Variants in BBS7 observed in about 807,000 individuals in gnomAD.
BBS7 encodes the protein BBSome complex member BBS7.
BBS7 carries 50 observed loss-of-function variants against 90.3 expected under a neutral mutation model. The observed-to-expected ratio is 0.55, with a 90% CI of 0.44 to 0.70. The LOEUF is 0.70. Ranked by LOEUF, BBS7 falls within the 30% of genes least tolerant of loss-of-function variation. The pLI is 0.00. For synonymous variants in BBS7, 235 were observed against 287.4 expected (o/e 0.82, Z 1.85); for missense variants, 729 against 838.9 (o/e 0.87, Z 1.62).
intron 12 of BBS7, among the ~76,000 whole-genome samples, chr4:121,841,954 G>T (rs1267143387): frequency 2.0e-5 from 3 of 151,882 alleles, no homozygotes; most frequent in Non-Finnish European, 2.9e-5. Context: ...TTACTATGAA[G>T]TTATATTGAA....
chr4:121,847,271 A>G, intron 10 of BBS7, 133 bp downstream of exon 10: 1 of 647,432 alleles, frequency 1.5e-6, no homozygotes, highest in Non-Finnish European at 2.7e-6. Context: ...GTAAACTTCC[A>G]TTTTAAAAGG....
intron 10 of BBS7, among the ~76,000 whole-genome samples, chr4:121,846,718 T>C (rs1726029749): frequency 6.6e-6 from 1 of 152,218 alleles, no homozygotes; most frequent in Admixed American, 6.5e-5. Flanking sequence ...TGAAACGGCT[T>C]GTGCTACTAG....
chr4:121,847,620 A>G, intron 9 of BBS7, 114 bp from the exon 10 acceptor site: 1 of 773,876 alleles, frequency 1.3e-6, no homozygotes, highest in South Asian at 1.4e-5. Flanking sequence ...CACCAATATC[A>G]GCCTAACTTA....
rs1345111269 is a variant in BBS7, at chr4:121,835,251, T to C, written c.1404A>G (p.Leu468=). ...GAATTCTTGGAGTCACATATGCTTGTAGTGTGCCATACTGGCCTTCAATTG... is the reference window on the plus strand; with the variant it reads ...GAATTCTTGGAGTCACATATGCTTGCAGTGTGCCATACTGGCCTTCAATTG... ...IRSIEGQYGT[L]QAYVTPRIQP... The change falls in exon 14 of 19, where the codon CTA becomes CTG. Residue 468 remains leucine, a synonymous_variant. Coordinates refer to ENST00000264499, the MANE Select transcript of BBS7 (RefSeq NM_176824.3). 1.9e-6 allele frequency: 3 copies of C among 1,613,852 alleles called. No individual in the cohort carries two copies. The highest frequency in any genetic ancestry group is 1.3e-5 in the African/African-American group (1 of 75,018).
At chr4:121,831,446 C>T (rs1321275227) in intron 15 of BBS7, among the ~76,000 whole-genome samples, 1 of 150,354 alleles carries the variant, frequency 6.7e-6, no homozygotes, top group Non-Finnish European at 1.5e-5. Context: ...GCTTGGGCAA[C>T]ACAGTGAGAC....
chr4:121,833,704 ATTTT>A (rs1320317594), intron 14 of BBS7, among the ~76,000 whole-genome samples: 2 of 151,878 alleles, frequency 1.3e-5, no homozygotes, highest in African/African-American at 2.4e-5. Context: ...TAAAAAGTTT[ATTTT>A]TTTATTTTTT....
intron 13 of BBS7, among the ~76,000 whole-genome samples, chr4:121,836,678 T>C (rs1295535578): frequency 1.3e-5 from 2 of 152,214 alleles, no homozygotes; most frequent in Admixed American, 6.5e-5. Flanking sequence ...ATGTCTGTTA[T>C]GTATATTACT....
intron 5 of BBS7, among the ~76,000 whole-genome samples, chr4:121,857,121 C>CTT (rs113652840): frequency 0.029 from 4,141 of 143,508 alleles, 172 homozygotes; most frequent in East Asian, 0.2. Flanking sequence ...TATGCTTTAT[C>CTT]TTTTTTTTTT....
intron 1 of BBS7, 25 bp from the exon 2 acceptor site, chr4:121,868,071 G>C: frequency 6.3e-7 from 1 of 1,588,006 alleles, no homozygotes; most frequent in Non-Finnish European, 8.6e-7. Context: ...CAGATGCCTA[G>C]TGAATTTAAT....
chr4:121,844,388 A>AGAAAGAAGAT (rs1725897402), intron 11 of BBS7, among the ~76,000 whole-genome samples: 2 of 152,198 alleles, frequency 1.3e-5, no homozygotes, highest in African/African-American at 4.8e-5. Flanking sequence ...CCTGTAACAC[A>AGAAAGAAGAT]GAAAGAAGAT....
At chr4:121,834,284 C>T (rs1224775157) in intron 14 of BBS7, among the ~76,000 whole-genome samples, 1 of 152,200 alleles carries the variant, frequency 6.6e-6, no homozygotes, top group Non-Finnish European at 1.5e-5. Context: ...ATCCAAGTCT[C>T]TTGATTCCCA....
chr4:121,832,134 G>A (rs749643374), intron 15 of BBS7, among the ~76,000 whole-genome samples: 1 of 151,820 alleles, frequency 6.6e-6, no homozygotes, highest in Non-Finnish European at 1.5e-5. Context: ...CTTGAGCTCA[G>A]GAGTTTGAGA....
intron 15 of BBS7, among the ~76,000 whole-genome samples, 160 bp downstream of exon 15, chr4:121,833,071 T>C (rs1421806867): frequency 6.6e-6 from 1 of 152,232 alleles, no homozygotes; most frequent in Non-Finnish European, 1.5e-5. Context: ...CTTTACTCAA[T>C]CACTTTTCTA....
chr4:121,827,377 G>T (rs1297420988), intron 18 of BBS7, among the ~76,000 whole-genome samples: 2 of 152,148 alleles, frequency 1.3e-5, no homozygotes, highest in African/African-American at 4.8e-5. Context: ...GCATTTTGGG[G>T]TGAGAAGATT....
intron 2 of BBS7, 108 bp from the exon 3 acceptor site, chr4:121,863,387 G>C: frequency 2.1e-6 from 2 of 961,000 alleles, no homozygotes; most frequent in South Asian, 3.8e-5. Flanking sequence ...ACTTAATAGA[G>C]ATCAGAAAAT....
intron 15 of BBS7, among the ~76,000 whole-genome samples, chr4:121,828,957 A>T (rs1021000005): frequency 4.2e-5 from 6 of 143,992 alleles, no homozygotes; most frequent in African/African-American, 1.6e-4. Context: ...CCTCCTAAAG[A>T]TGTGACAATT....
chr4:121,855,636 T>C, intron 5 of BBS7, 75 bp from the exon 6 acceptor site: 3 of 1,257,640 alleles, frequency 2.4e-6, no homozygotes, highest in Non-Finnish European at 3.5e-6. Flanking sequence ...ATAACATCAA[T>C]ATTCAAATAC....
chr4:121,839,829 C>T (rs1361020826), intron 12 of BBS7, 133 bp from the exon 13 acceptor site: 2 of 722,900 alleles, frequency 2.8e-6, no homozygotes, highest in Non-Finnish European at 4.7e-6. Context: ...CAAACATGTT[C>T]TAACTTACAC....
chr4:121,852,816 T>C, intron 8 of BBS7, 140 bp downstream of exon 8: 2 of 858,496 alleles, frequency 2.3e-6, no homozygotes, highest in Non-Finnish European at 3.6e-6. Flanking sequence ...CTAGAGAAGA[T>C]TCTGATAACA....
Sources: gnomAD v4.1 joint callset for allele counts (sites outside exome capture counted in the v4.1 genomes callset) on GRCh38, gnomAD v4.1.1 for gene constraint, MANE v1.5 for transcripts, NCBI Gene and HGNC (gene_info 2026-07-23, HGNC 2026-07-21) for gene names.